SLC49A3: variants seen among roughly 807,000 people sequenced by gnomAD.
The protein encoded by SLC49A3 is solute carrier family 49 member 3.
SLC49A3 carries 50 observed loss-of-function variants against 43.8 expected under a neutral mutation model. The observed-to-expected ratio is 1.14, with a 90% CI of 0.91 to 1.45. The LOEUF is 1.45. Ranked by LOEUF, SLC49A3 falls within the 40% of genes most tolerant of loss-of-function variation. The pLI, the probability that SLC49A3 is intolerant of heterozygous loss-of-function variation, is 0.00. For missense variants in SLC49A3, 906 were observed against 774.1 expected (o/e 1.17, Z -2.02); for synonymous variants, 413 against 352.0 (o/e 1.17, Z -1.94).
chr4:688,948 G>A, intron 1 of SLC49A3, 45 bp downstream of exon 1: 1 of 1,566,564 alleles, frequency 6.4e-7, no homozygotes, highest in African/African-American at 1.4e-5. Context: ...GCTGGTCCGA[G>A]GGACTGAGGG....
At chr4:690,688 C>T (rs924129099), upstream of SLC49A3, among the ~76,000 whole-genome samples, 2 of 152,216 alleles carry the variant, frequency 1.3e-5, no homozygotes, top group Non-Finnish European at 2.9e-5. Context: ...CTCTGTTGAG[C>T]GTGCATTGTC....
At chr4:686,489 C>T (rs577567020) in intron 2 of SLC49A3, 43 bp downstream of exon 2, 17 of 1,599,680 alleles carry the variant, frequency 1.1e-5, no homozygotes, top group African/African-American at 9.3e-5. Flanking sequence ...GCGGGGGCCC[C>T]TGCACTGTCC....
chr4:682,166 C>T lies in SLC49A3; in HGVS notation c.1472G>A (p.Cys491Tyr). 7.4e-7 allele frequency: 1 copy of T among 1,350,498 alleles called. No homozygotes were observed. The highest frequency in any genetic ancestry group is 9.6e-7 in the Non-Finnish European group (1 of 1,039,634). The allele number at this position is 1,350,498 out of a possible 1,614,324, so 83.7% of individuals were successfully genotyped here. Residue 491 changes from cysteine (C) to tyrosine (Y), a missense_variant, in exon 10 of 10, where the codon TGC (cysteine) becomes TAC (tyrosine). Cys to Tyr is a radical substitution (Grantham distance 194). Transcript: ENST00000322224. Reference protein sequence around the residue: ...VLGPSTATPECTARGASLEDP... With the variant: ...VLGPSTATPEYTARGASLEDP... ...CTCTAGCGAGGCCCCCCTCGCCGTG[C>T]ACTCCGGAGTCGCCGTGCTGGGCCC...
chr4:681,800 C>T (rs1392456037), downstream of SLC49A3: 77 of 1,242,920 alleles, frequency 6.2e-5, no homozygotes, highest in Admixed American at 8.3e-5. Flanking sequence ...CTCCCCCTCC[C>T]GCGGCGCAGA....
Position 683,379 on chromosome 4 carries a change from G to T in SLC49A3, c.994-12C>A. Reference sequence around the variant, plus strand: ...TGCAGCTGGGACACCTGGGAGCAGCGGAACGGCAGGCAGACAGGTGGAGGG... The same window carrying T: ...TGCAGCTGGGACACCTGGGAGCAGCTGAACGGCAGGCAGACAGGTGGAGGG... On this transcript the variant is annotated splice_polypyrimidine_tract_variant and intron_variant, in intron 7 of 9. Coordinates refer to ENST00000322224, the MANE Select transcript of SLC49A3 (RefSeq NM_032219.4). 6.2e-7 allele frequency: 1 copy of T among 1,604,336 alleles called. No homozygotes were observed. Among genetic ancestry groups the T allele is most frequent in the Admixed American group, 1.7e-5 (1 of 58,946 alleles).
At chr4:681,739 C>A (rs1341799829), downstream of SLC49A3, 22 of 771,278 alleles carry the variant, frequency 2.9e-5, no homozygotes, top group African/African-American at 2.9e-4. Flanking sequence ...CCTCCAGCGC[C>A]GCCCCGCCCC....
downstream of SLC49A3, chr4:678,730 A>C (rs1240564972): frequency 1.9e-6 from 3 of 1,612,082 alleles, no homozygotes; most frequent in East Asian, 2.2e-5. Context: ...TGTCTTCTCC[A>C]ACTTTGAGCA....
intron 6 of SLC49A3, among the ~76,000 whole-genome samples, chr4:684,076 G>GGCT (rs1233113232): frequency 1.4e-4 from 21 of 152,236 alleles, no homozygotes; most frequent in Admixed American, 1.2e-3. Context: ...GATCCCAGAA[G>GGCT]GCAGAGGGCA....
At chr4:683,870 A>C in intron 6 of SLC49A3, 109 bp from the exon 7 acceptor site, 1 of 1,345,650 alleles carries the variant, frequency 7.4e-7, no homozygotes, top group Non-Finnish European at 9.9e-7. Flanking sequence ...CCCAAGGCCC[A>C]GGCATAGCAA....
intron 4 of SLC49A3, 24 bp from the exon 5 acceptor site, chr4:684,880 A>G (rs751710986): frequency 6.2e-7 from 1 of 1,606,002 alleles, no homozygotes; most frequent in South Asian, 1.1e-5. Flanking sequence ...TGTGTGCACA[A>G]GGAGACCACG....
At chr4:689,309 C>T (rs192927250), upstream of SLC49A3, 185 of 355,832 alleles carry the variant, frequency 5.2e-4, 2 homozygotes, top group Non-Finnish European at 7.2e-4. Flanking sequence ...AAAGGAGACC[C>T]AAAAAAGCGG....
chr4:682,126 G>C lies in SLC49A3; in HGVS notation c.1512C>G (p.Pro504=), dbSNP rs769577451. 5 of 1,345,720 alleles carry C rather than the reference G, an allele frequency of 3.7e-6. No homozygotes were observed. The South Asian group carries it at 7.5e-5, about 20-fold the overall frequency. 83.4% of individuals were successfully genotyped at this position (1,345,720 alleles called of 1,614,324 possible). Residue 504 remains proline, a synonymous_variant, in exon 10 of 10, where the codon CCC becomes CCG. Coordinates refer to ENST00000322224, the MANE Select transcript of SLC49A3 (RefSeq NM_032219.4). ...GGTGGCAGGCTGGGTGGGGGCTCCC[G>C]GGCCCTCTGGGGTCCTCTAGCGAGG... The part of the protein sequence containing the change: ...RGASLEDPRG[P]GSPHPACHRA...
downstream of SLC49A3, chr4:678,188 G>C: frequency 6.5e-7 from 1 of 1,529,932 alleles, no homozygotes; most frequent in Non-Finnish European, 8.8e-7. Flanking sequence ...ATGAGCGTGT[G>C]TATGTGCGTG....
In SLC49A3 at chr4:684,793, T is replaced by A. The variant is rs1309926379; in HGVS notation, c.649A>T (p.Ser217Cys). The change falls in exon 5 of 10, where the codon AGT becomes TGT. Residue 217 changes from serine to cysteine, a missense_variant. By Grantham distance (112) the Ser-to-Cys change is moderately radical. Coordinates refer to ENST00000322224, the MANE Select transcript of SLC49A3 (RefSeq NM_032219.4). ...GCAGAGGGCGGGGTGGGGGGCACAC[T>A]CTCCCACAGGCAGATGGTGGACAGC... ...CLLSTICLWESVPPTPPSAGA... is the reference protein window; with the variant it reads ...CLLSTICLWECVPPTPPSAGA... The A allele has an allele frequency of 3.7e-6, 6 of 1,612,196 alleles. No homozygotes were observed. The highest frequency in any genetic ancestry group is 1.6e-4 in the Middle Eastern group (1 of 6,074).
upstream of SLC49A3, among the ~76,000 whole-genome samples, chr4:689,762 T>C (rs145190947): frequency 7.3e-3 from 1,110 of 152,302 alleles, 8 homozygotes; most frequent in Non-Finnish European, 0.012. Flanking sequence ...CATTTTACAA[T>C]GGAGGACACG....
chr4:684,047 C>T (rs978420641), intron 6 of SLC49A3, among the ~76,000 whole-genome samples: 3 of 152,238 alleles, frequency 2.0e-5, no homozygotes, highest in Admixed American at 6.5e-5. Flanking sequence ...AACATGCCCC[C>T]AATCCTACAC....
At chr4:690,664 C>T (rs2109477344), upstream of SLC49A3, among the ~76,000 whole-genome samples, 1 of 152,338 alleles carries the variant, frequency 6.6e-6, no homozygotes, top group South Asian at 2.1e-4. Context: ...CAGTAGCTAC[C>T]TCCATCGTTC....
At chr4:678,976 C>T, downstream of SLC49A3, 1 of 1,613,830 alleles carries the variant, frequency 6.2e-7, no homozygotes, top group Non-Finnish European at 8.5e-7. Flanking sequence ...ACTCATGGAT[C>T]AGAACCGAGA....
At chr4:681,066 G>A, downstream of SLC49A3, 5 of 1,580,984 alleles carry the variant, frequency 3.2e-6, no homozygotes, top group Non-Finnish European at 4.3e-6. Flanking sequence ...GCATCAGCCC[G>A]CGCTGACCCC....
Sources: gnomAD v4.1 joint callset for allele counts (sites outside exome capture counted in the v4.1 genomes callset) on GRCh38, gnomAD v4.1.1 for gene constraint, MANE v1.5 for transcripts, NCBI Gene and HGNC (gene_info 2026-07-23, HGNC 2026-07-21) for gene names.